OTOGL: variants seen among roughly 807,000 people sequenced by gnomAD.
The protein encoded by OTOGL is otogelin like, also known as otogelin-like protein.
Under a neutral mutation model 318.5 loss-of-function variants are expected in OTOGL, and 285 were observed. The observed-to-expected ratio is 0.89, with a 90% confidence interval of 0.81 to 0.99. The LOEUF is 0.99. Among genes scored for constraint, OTOGL ranks in the 50% least tolerant of loss-of-function variants. The probability of loss-of-function intolerance (pLI) is 0.00; values close to 1 mark genes in which losing one functional copy is unlikely to be tolerated. For missense variants in OTOGL, 2,899 were observed against 2,845.6 expected, an observed-to-expected ratio of 1.02 and a Z score of -0.43; for synonymous variants, 987 against 936.5, an observed-to-expected ratio of 1.05 and a Z score of -0.99.
chr12:80,354,209 T>G (rs1347844701), intron 46 of OTOGL, among the ~76,000 whole-genome samples: 4 of 152,134 alleles, frequency 2.6e-5, no homozygotes, highest in African/African-American at 4.8e-5. Flanking sequence ...AAGTACAGAT[T>G]GTTATAAAGG....
chr12:80,112,074 T>G (rs189286191), intron 1 of OTOGL, among the ~76,000 whole-genome samples: 2 of 152,350 alleles, frequency 1.3e-5, no homozygotes, highest in East Asian at 3.9e-4. Flanking sequence ...ATAGGAATGC[T>G]TGTGATTTTT....
At chr12:80,307,390 A>G (rs1160375029) in intron 29 of OTOGL, among the ~76,000 whole-genome samples, 2 of 150,292 alleles carry the variant, frequency 1.3e-5, no homozygotes, top group Non-Finnish European at 3.0e-5. Context: ...GCGGCCGGGC[A>G]GAGGCACCCC....
chr12:80,228,491 A>AC (rs1879082256), intron 7 of OTOGL, among the ~76,000 whole-genome samples: 2 of 151,844 alleles, frequency 1.3e-5, no homozygotes, highest in Admixed American at 1.3e-4. Flanking sequence ...CCAAAACAAA[A>AC]CCAAACCAAA....
intron 38 of OTOGL, among the ~76,000 whole-genome samples, chr12:80,333,325 G>A (rs537673020): frequency 6.6e-6 from 1 of 150,870 alleles, no homozygotes; most frequent in Non-Finnish European, 1.5e-5. Context: ...CCTTAATAAA[G>A]AGTTATCTAG....
At chr12:80,368,068 C>T in intron 54 of OTOGL, 137 bp from the exon 55 acceptor site, 1 of 646,876 alleles carries the variant, frequency 1.5e-6, no homozygotes, top group Non-Finnish European at 2.6e-6. Flanking sequence ...TTATTGGAAG[C>T]TTCTCATATT....
At chr12:80,254,432 G>T in intron 14 of OTOGL, 92 bp from the exon 15 acceptor site, 1 of 811,486 alleles carries the variant, frequency 1.2e-6, no homozygotes, top group East Asian at 2.7e-5. Flanking sequence ...CTATAAACAT[G>T]ATATATTTTG....
intron 1 of OTOGL, among the ~76,000 whole-genome samples, chr12:80,154,100 G>C (rs1270116194): frequency 2.0e-5 from 3 of 152,152 alleles, no homozygotes; most frequent in Non-Finnish European, 4.4e-5. Flanking sequence ...CTTGAGGTCA[G>C]GAGTTCAAGA....
rs2137434782 is a variant in OTOGL, at chr12:80,239,456, G to C, written c.1052+17G>C. On this transcript the variant is annotated intron_variant, in intron 11 of 58. Transcript: ENST00000547103. Reference sequence around the variant, plus strand: ...TCTTTGCAAGTAAGTGAAATGACTTGTAGTTGTAATAAAATTTTCTTTATG... The same window carrying C: ...TCTTTGCAAGTAAGTGAAATGACTTCTAGTTGTAATAAAATTTTCTTTATG... 6.7e-7 allele frequency: 1 copy of C among 1,501,012 alleles called. No homozygotes were observed. Among genetic ancestry groups the C allele is most frequent in the East Asian group, 2.4e-5 (1 of 42,166 alleles). The allele number at this position is 1,501,012 out of a possible 1,614,324, so 93.0% of individuals were successfully genotyped here. A position where few individuals can be genotyped will look rare whatever the true frequency, so the allele number is the denominator to read the frequency against.
At position 80,313,595 on chromosome 12, in the gene OTOGL, A is replaced by G; in HGVS notation, c.3570A>G (p.Glu1190=). The change falls in exon 31 of 59, where the codon GAA becomes GAG. Residue 1190 remains glutamate (E), a synonymous_variant. Transcript: ENST00000547103. ...IAAYAYKCCQ[E]GISIHWRSST... ...CATATGCATACAAGTGTTGTCAGGAAGGAATATCAATTCATTGGAGATCAT... is the reference window on the plus strand; with the variant it reads ...CATATGCATACAAGTGTTGTCAGGAGGGAATATCAATTCATTGGAGATCAT... 6.2e-7 allele frequency: 1 copy of G among 1,612,966 alleles called. No homozygotes were observed. Among genetic ancestry groups the G allele is most frequent in the Non-Finnish European group, 8.5e-7 (1 of 1,179,224 alleles).
chr12:80,266,376 T>C (rs1251050688), intron 20 of OTOGL, 75 bp from the exon 21 acceptor site: 2 of 1,463,602 alleles, frequency 1.4e-6, no homozygotes, highest in East Asian at 2.3e-5. Flanking sequence ...TTTTCTATCA[T>C]AGACCTCTAA....
At chr12:80,288,973 A>C (rs1884836872) in intron 26 of OTOGL, among the ~76,000 whole-genome samples, 2 of 152,200 alleles carry the variant, frequency 1.3e-5, no homozygotes, top group South Asian at 4.1e-4. Flanking sequence ...TTGGAGGAGA[A>C]GAGGCATTCT....
intron 29 of OTOGL, among the ~76,000 whole-genome samples, chr12:80,309,663 G>A (rs1032552374): frequency 6.6e-6 from 1 of 152,178 alleles, no homozygotes; most frequent in Non-Finnish European, 1.5e-5. Context: ...GTTCCAAGAA[G>A]GTCTCCTACT....
At chr12:80,242,732 T>C (rs1880489125) in intron 11 of OTOGL, among the ~76,000 whole-genome samples, 1 of 152,114 alleles carries the variant, frequency 6.6e-6, no homozygotes, top group African/African-American at 2.4e-5. Context: ...AATTTAGACA[T>C]GATCTCTGTC....
chr12:80,314,609 G>T (rs1014451711), intron 32 of OTOGL, among the ~76,000 whole-genome samples: 1 of 152,104 alleles, frequency 6.6e-6, no homozygotes, highest in Admixed American at 6.5e-5. Flanking sequence ...GGTGGGTGAA[G>T]TTAGTTAATT....
At position 80,152,343 on chromosome 12, in the gene OTOGL, G is replaced by T. The variant is rs537204348; in HGVS notation, c.-20+52738G>T. 3.3e-5 allele frequency among the ~76,000 whole-genome samples: 5 copies of T among 152,292 alleles called. No homozygotes were observed. The South Asian group carries it at 1.0e-3, about 32-fold the overall frequency. On this transcript the variant is annotated intron_variant, in intron 1 of 58. Transcript: ENST00000547103. ...TGAAAGAGGTCTTGAGGCATAAGAAGAGAAAGCAGAGGCCCAATCAGTTTT... is the reference window on the plus strand; with the variant it reads ...TGAAAGAGGTCTTGAGGCATAAGAATAGAAAGCAGAGGCCCAATCAGTTTT...
chr12:80,195,637 T>C (rs544394241), intron 1 of OTOGL, among the ~76,000 whole-genome samples: 1 of 152,246 alleles, frequency 6.6e-6, no homozygotes, highest in East Asian at 1.9e-4. Flanking sequence ...TAAAAACTTA[T>C]CAGTCTGTGG....
Position 80,265,012 on chromosome 12 carries a change from G to T in OTOGL, c.2026G>T (p.Ala676Ser). 1 of 1,613,832 alleles carries T rather than the reference G, an allele frequency of 6.2e-7. No homozygotes were observed. The highest frequency in any genetic ancestry group is 8.5e-7 in the Non-Finnish European group (1 of 1,179,800). ...GGGCTCTTTGTTAGTTGGGTATGCA[G>T]CACACTGTGATGTCATCCACCAGGA... ...NINQQNIGYA[A>S]HCDVIHQELF... The change falls in exon 20 of 59, where the codon GCA (alanine) becomes TCA (serine). Residue 676 changes from alanine to serine, a missense_variant. Transcript: ENST00000547103.
intron 1 of OTOGL, among the ~76,000 whole-genome samples, chr12:80,173,757 G>C (rs183816250): frequency 6.6e-6 from 1 of 152,058 alleles, no homozygotes; most frequent in Non-Finnish European, 1.5e-5. Flanking sequence ...GTTTCACAAG[G>C]GTACCCTTAA....
At chr12:80,149,056 T>C (rs1592496162) in intron 1 of OTOGL, among the ~76,000 whole-genome samples, 1 of 152,156 alleles carries the variant, frequency 6.6e-6, no homozygotes, top group East Asian at 1.9e-4. Flanking sequence ...TCTCAGCTCG[T>C]CAAAGTCGTT....
Sources: allele counts gnomAD v4.1 joint callset (sites outside exome capture counted in the v4.1 genomes callset), GRCh38; gene constraint gnomAD v4.1.1; transcripts MANE v1.5; gene names NCBI Gene and HGNC (gene_info 2026-07-23, HGNC 2026-07-21).